SCAPER: variants seen among roughly 807,000 people sequenced by gnomAD.
SCAPER encodes S phase cyclin A-associated protein in the endoplasmic reticulum.
A neutral mutation model predicts 182.2 loss-of-function variants in SCAPER; 98 were observed. That is an observed-to-expected ratio of 0.54 (90% CI 0.46 to 0.64). The LOEUF (loss-of-function observed/expected upper bound fraction) is 0.64. Among genes scored for constraint, SCAPER ranks in the 30% least tolerant of loss-of-function variants. The pLI is 0.00. For missense variants in SCAPER, 1,432 were observed against 1,690.0 expected (o/e 0.85, Z 2.68); for synonymous variants, 605 against 564.6 (o/e 1.07, Z -1.01).
chr15:76,718,645 A>AG (rs1304871390), intron 17 of SCAPER, among the ~76,000 whole-genome samples: 1 of 151,750 alleles, frequency 6.6e-6, no homozygotes, highest in African/African-American at 2.4e-5. Flanking sequence ...TGTCTCAAAA[A>AG]GGAAAAAAAA....
intron 26 of SCAPER, among the ~76,000 whole-genome samples, chr15:76,415,397 A>G (rs538363590): frequency 9.9e-5 from 15 of 152,200 alleles, no homozygotes; most frequent in Non-Finnish European, 2.1e-4. Flanking sequence ...GTACAAGTAC[A>G]GAAAAAGACT....
At chr15:76,612,854 G>A (rs2051123890) in intron 22 of SCAPER, among the ~76,000 whole-genome samples, 1 of 152,254 alleles carries the variant, frequency 6.6e-6, no homozygotes, top group Non-Finnish European at 1.5e-5. Context: ...GCTCAAAGCA[G>A]TTTACTAAAT....
intron 20 of SCAPER, among the ~76,000 whole-genome samples, chr15:76,666,948 T>C (rs955984812): frequency 3.9e-5 from 6 of 152,196 alleles, no homozygotes; most frequent in African/African-American, 9.7e-5. Context: ...TCTCGCATTT[T>C]TATGGTTATT....
chr15:76,868,663 T>C (rs970982605), intron 2 of SCAPER, among the ~76,000 whole-genome samples: 9 of 152,168 alleles, frequency 5.9e-5, no homozygotes, highest in African/African-American at 2.2e-4. Context: ...AATGGAAAGA[T>C]ATTTCATGCT....
chr15:76,591,595 G>C (rs2145677192), intron 22 of SCAPER, among the ~76,000 whole-genome samples: 1 of 152,200 alleles, frequency 6.6e-6, no homozygotes, highest in Non-Finnish European at 1.5e-5. Context: ...CTGAGTAGCT[G>C]GGATTACTGG....
chr15:76,822,252 G>GT (rs1428852662), intron 5 of SCAPER, among the ~76,000 whole-genome samples: 13 of 152,128 alleles, frequency 8.5e-5, no homozygotes, highest in African/African-American at 3.1e-4. Flanking sequence ...GGCTATGCAT[G>GT]TATGGGGGCA....
chr15:76,820,705 G>A (rs546608988), intron 5 of SCAPER, among the ~76,000 whole-genome samples: 19 of 151,312 alleles, frequency 1.3e-4, no homozygotes, highest in South Asian at 8.4e-4. Flanking sequence ...AAACCTGCAC[G>A]TTGTGCACAT....
chr15:76,462,780 G>C (rs1002107099), intron 25 of SCAPER, among the ~76,000 whole-genome samples: 10 of 152,118 alleles, frequency 6.6e-5, no homozygotes, highest in Non-Finnish European at 1.2e-4. Context: ...GCTGAATTCT[G>C]AATGTAGCTT....
rs1251524671 is a variant in SCAPER, at chr15:76,845,870, AAC to A, written c.196-3941_196-3940del. Among the ~76,000 whole-genome samples, 6 of 152,062 alleles carry A rather than the reference AAC, an allele frequency of 3.9e-5. No individual in the cohort carries two copies. In the East Asian group the frequency reaches 1.2e-3, roughly 29 times the overall value. The stretch of plus-strand genomic sequence containing the variant: ...CTAAAATATATACAGAACCACAAAA[AAC>A]CTGGAATACCCAAGGTTATCCTACA... On this transcript the variant is annotated intron_variant, in intron 4 of 31. Coordinates refer to ENST00000563290, the MANE Select transcript of SCAPER (RefSeq NM_020843.4).
At chr15:76,615,492 GACACACACAC>G (rs200914871) in intron 22 of SCAPER, among the ~76,000 whole-genome samples, 1,877 of 140,740 alleles carry the variant, frequency 0.013, 38 homozygotes, top group African/African-American at 0.044. Flanking sequence ...CACACACACA[GACACACACAC>G]ACACACACAC....
intron 23 of SCAPER, among the ~76,000 whole-genome samples, chr15:76,529,874 G>T (rs1306606376): frequency 1.3e-5 from 2 of 152,182 alleles, no homozygotes; most frequent in Non-Finnish European, 2.9e-5. Context: ...ATATGATGAG[G>T]AGTCACTGGA....
chr15:76,717,549 A>G (rs1426472530), intron 17 of SCAPER, among the ~76,000 whole-genome samples: 2 of 152,176 alleles, frequency 1.3e-5, no homozygotes, highest in African/African-American at 2.4e-5. Context: ...GATGGACAGT[A>G]AAAGTCTAGT....
chr15:76,432,782 C>T (rs745435459), intron 26 of SCAPER, among the ~76,000 whole-genome samples: 2 of 152,226 alleles, frequency 1.3e-5, no homozygotes, highest in Admixed American at 6.5e-5. Flanking sequence ...GGAAAGCATA[C>T]AGGTGTTGGG....
intron 24 of SCAPER, among the ~76,000 whole-genome samples, chr15:76,477,206 T>C (rs1366765883): frequency 6.6e-6 from 1 of 152,178 alleles, no homozygotes; most frequent in African/African-American, 2.4e-5. Context: ...CTCCAAAGAA[T>C]ACAGTTTGAG....
At position 76,878,725 on chromosome 15, in the gene SCAPER, T is replaced by C. The variant is rs151143955; in HGVS notation, c.6+5087A>G. 8.1e-3 allele frequency among the ~76,000 whole-genome samples: 1,228 copies of C among 151,946 alleles called. 11 individuals are homozygous for C. Among genetic ancestry groups the C allele is most frequent in the African/African-American group, 0.028 (1,164 of 41,452 alleles). ...GGAGGATTATTTGAGCTCAGGAGTT[T>C]GAGACCAGCCTGGGCAACATAGTGA... is the stretch of plus-strand genomic sequence containing the variant. On this transcript the variant is annotated intron_variant, in intron 2 of 31. Transcript: ENST00000563290.
At chr15:76,426,930 C>T (rs1220067318) in intron 26 of SCAPER, among the ~76,000 whole-genome samples, 1 of 152,186 alleles carries the variant, frequency 6.6e-6, no homozygotes, top group Non-Finnish European at 1.5e-5. Flanking sequence ...TGACAACCAA[C>T]TTATTTTTGG....
chr15:76,561,819 T>C lies in SCAPER; in HGVS notation c.2838+12339A>G, dbSNP rs544972503. Among the ~76,000 whole-genome samples, 2 of 121,200 alleles carry C rather than the reference T, an allele frequency of 1.7e-5. 1 individual carries two copies. Among genetic ancestry groups the C allele is most frequent in the South Asian group, 6.0e-4 (2 of 3,332 alleles). 79.5% of individuals were successfully genotyped at this position (121,200 alleles called of 152,430 possible). ...TTGCTTCCCTGCAACCTTTGCCTCC[T>C]AGTATTAGTTTTTTTTTTTTTTTTT... On this transcript the variant is annotated intron_variant, in intron 23 of 31. Coordinates refer to ENST00000563290, the MANE Select transcript of SCAPER (RefSeq NM_020843.4).
Position 76,664,486 on chromosome 15 carries a change from T to C in SCAPER, c.2645+1167A>G, listed in dbSNP as rs567413849. Among the ~76,000 whole-genome samples, 5 of 152,222 alleles carry C rather than the reference T, an allele frequency of 3.3e-5. 1 individual carries two copies. The highest frequency in any genetic ancestry group is 1.2e-4 in the African/African-American group (5 of 41,540). ...GAAGACTATGAAATGAGGTAGGTTTTTGTGGCAAGAAGAAAGAGCAGGTTT... is the reference window on the plus strand; with the variant it reads ...GAAGACTATGAAATGAGGTAGGTTTCTGTGGCAAGAAGAAAGAGCAGGTTT... On this transcript the variant is annotated intron_variant, in intron 21 of 31. Coordinates refer to ENST00000563290, the MANE Select transcript of SCAPER (RefSeq NM_020843.4).
intron 20 of SCAPER, among the ~76,000 whole-genome samples, chr15:76,674,055 T>TA (rs1423757543): frequency 6.6e-6 from 1 of 151,256 alleles, no homozygotes; most frequent in Non-Finnish European, 1.5e-5. Context: ...TGGTAAATAA[T>TA]AAAAAATGTG....
Sources: gnomAD v4.1 joint callset for allele counts (sites outside exome capture counted in the v4.1 genomes callset) on GRCh38, gnomAD v4.1.1 for gene constraint, MANE v1.5 for transcripts, NCBI Gene and HGNC (gene_info 2026-07-23, HGNC 2026-07-21) for gene names.